Variants in PACRG observed in about 807,000 individuals in gnomAD.
PACRG encodes the protein parkin coregulated.
A neutral mutation model predicts 29.7 loss-of-function variants in PACRG; 29 were observed. The ratio of observed to expected loss-of-function variants is 0.98; its 90% CI spans 0.73 to 1.33. The LOEUF (loss-of-function observed/expected upper bound fraction) is 1.33. Among genes scored for constraint, PACRG ranks in the 40% most tolerant of loss-of-function variants. The probability of loss-of-function intolerance (pLI) is 0.00; values close to 1 mark genes in which losing one functional copy is unlikely to be tolerated. For synonymous variants in PACRG, 116 were observed against 118.7 expected, an observed-to-expected ratio of 0.98 and a Z score of 0.15; for missense variants, 279 against 316.2, an observed-to-expected ratio of 0.88 and a Z score of 0.89.
chr6:162,908,104 T>G (rs1584726290), intron 2 of PACRG, among the ~76,000 whole-genome samples: 1 of 152,250 alleles, frequency 6.6e-6, no homozygotes, highest in South Asian at 2.1e-4. Flanking sequence ...GTCTTGTGAT[T>G]TTTAAGTCAT....
intron 2 of PACRG, among the ~76,000 whole-genome samples, chr6:162,972,413 G>A (rs1801609991): frequency 1.3e-5 from 2 of 152,006 alleles, no homozygotes; most frequent in South Asian, 4.1e-4. Flanking sequence ...TCTTCTTTCA[G>A]TTGGCTTTTT....
chr6:162,881,325 T>G (rs1793821081), intron 2 of PACRG, among the ~76,000 whole-genome samples: 1 of 152,134 alleles, frequency 6.6e-6, no homozygotes, highest in South Asian at 2.1e-4. Context: ...AGGCCTAGCT[T>G]TCATGTCTAA....
chr6:162,972,346 A>T (rs1801604147), intron 2 of PACRG, among the ~76,000 whole-genome samples: 1 of 152,126 alleles, frequency 6.6e-6, no homozygotes, highest in African/African-American at 2.4e-5. Context: ...CAGTCTCTAA[A>T]GATTGCCTAC....
chr6:163,013,651 G>T (rs923971431), intron 2 of PACRG, among the ~76,000 whole-genome samples: 6 of 152,132 alleles, frequency 3.9e-5, no homozygotes, highest in African/African-American at 1.2e-4. Flanking sequence ...AAACTCGTGG[G>T]TGTGGAAATA....
At chr6:162,985,898 G>A (rs1354337997) in intron 2 of PACRG, among the ~76,000 whole-genome samples, 1 of 151,930 alleles carries the variant, frequency 6.6e-6, no homozygotes, top group Non-Finnish European at 1.5e-5. Context: ...CAGTAGCTCT[G>A]CTATACACCA....
chr6:163,014,612 A>G (rs990142541), intron 2 of PACRG, among the ~76,000 whole-genome samples: 2 of 151,934 alleles, frequency 1.3e-5, no homozygotes, highest in African/African-American at 4.8e-5. Flanking sequence ...AATTACTGAC[A>G]TGAGCATTTT....
At chr6:163,188,294 C>A (rs534262827) in intron 4 of PACRG, among the ~76,000 whole-genome samples, 8 of 152,310 alleles carry the variant, frequency 5.3e-5, no homozygotes, top group Non-Finnish European at 1.2e-4. Flanking sequence ...GTATCAAATT[C>A]ATTTGCTACT....
rs556056959 is a variant in PACRG, at chr6:162,733,876, C to G, written c.156+5485C>G. ...CTTAACAATCCCTTCCATCCCTGCT[C>G]CAGCACTCCCATCTCCCTTCCCTGT... On this transcript the variant is annotated intron_variant, in intron 1 of 4. Coordinates refer to ENST00000366888, the MANE Select transcript of PACRG (RefSeq NM_001080379.2). Among the ~76,000 whole-genome samples, 14 of 152,272 alleles carry G rather than the reference C, an allele frequency of 9.2e-5. No individual in the cohort carries two copies. In the South Asian group the frequency reaches 2.9e-3, roughly 32 times the overall value.
At chr6:162,955,581 G>T (rs1448094613) in intron 2 of PACRG, among the ~76,000 whole-genome samples, 1 of 152,222 alleles carries the variant, frequency 6.6e-6, no homozygotes. Flanking sequence ...TTACAGGTGT[G>T]AGCCACCACG....
At chr6:162,890,685 T>C (rs927536174) in intron 2 of PACRG, among the ~76,000 whole-genome samples, 3 of 152,130 alleles carry the variant, frequency 2.0e-5, no homozygotes, top group African/African-American at 7.2e-5. Context: ...ATTCTTTGGG[T>C]CATAGGAACA....
intron 4 of PACRG, among the ~76,000 whole-genome samples, chr6:163,182,438 A>G (rs2763994): frequency 0.76 from 116,204 of 152,158 alleles, 44,599 homozygotes; most frequent in African/African-American, 0.83. Flanking sequence ...GATGAGACTC[A>G]TTGTCTTCCT....
intron 4 of PACRG, among the ~76,000 whole-genome samples, chr6:163,109,831 C>A (rs1815609492): frequency 6.6e-6 from 1 of 152,122 alleles, no homozygotes; most frequent in African/African-American, 2.4e-5. Context: ...TACTATAGAG[C>A]CTCCTCCACA....
intron 2 of PACRG, among the ~76,000 whole-genome samples, chr6:162,998,194 G>A (rs912990461): frequency 6.6e-5 from 10 of 152,176 alleles, no homozygotes; most frequent in Non-Finnish European, 8.8e-5. Context: ...CCAGGTGAAC[G>A]ATTTTCTAAC....
chr6:163,008,361 A>T (rs1417393805), intron 2 of PACRG, among the ~76,000 whole-genome samples: 1 of 152,098 alleles, frequency 6.6e-6, no homozygotes, highest in Non-Finnish European at 1.5e-5. Flanking sequence ...GTAAAATCAC[A>T]GCTAATTGAC....
At chr6:162,727,585 C>G (rs111508614), upstream of PACRG, 1 of 1,464,256 alleles carries the variant, frequency 6.8e-7, no homozygotes, top group Non-Finnish European at 9.4e-7. Flanking sequence ...GGGTCCTGGT[C>G]GGCCGAGGCG....
chr6:163,111,830 G>A (rs1042306803), intron 4 of PACRG, among the ~76,000 whole-genome samples: 2 of 152,160 alleles, frequency 1.3e-5, no homozygotes, highest in Non-Finnish European at 2.9e-5. Flanking sequence ...AAGCTTGGGT[G>A]TATCTTGGTT....
chr6:163,161,203 C>T (rs1008570231), intron 4 of PACRG, among the ~76,000 whole-genome samples: 2 of 152,098 alleles, frequency 1.3e-5, no homozygotes, highest in African/African-American at 4.8e-5. Flanking sequence ...TCCAGGATTT[C>T]AGTCTTACCT....
chr6:162,817,242 G>T (rs1445662803), intron 2 of PACRG, among the ~76,000 whole-genome samples: 1 of 152,160 alleles, frequency 6.6e-6, no homozygotes, highest in East Asian at 1.9e-4. Flanking sequence ...TCTTCTATTT[G>T]TTCTGGATTA....
At chr6:163,295,393 C>T (rs1162475941) in intron 4 of PACRG, among the ~76,000 whole-genome samples, 1 of 152,132 alleles carries the variant, frequency 6.6e-6, no homozygotes, top group Non-Finnish European at 1.5e-5. Flanking sequence ...ACACTGAGTG[C>T]CCTTAGCAAG....
Sources: allele counts gnomAD v4.1 joint callset (sites outside exome capture counted in the v4.1 genomes callset), GRCh38; gene constraint gnomAD v4.1.1; transcripts MANE v1.5; gene names NCBI Gene and HGNC (gene_info 2026-07-23, HGNC 2026-07-21).